ZNF573: variants seen among roughly 807,000 people sequenced by gnomAD.
ZNF573 encodes the protein zinc finger protein 573.
A neutral mutation model predicts 57.4 loss-of-function variants in ZNF573; 41 were observed. The observed-to-expected ratio is 0.71, with a 90% CI of 0.56 to 0.93. The LOEUF is 0.93. Ranked by LOEUF, ZNF573 falls within the 40% of genes least tolerant of loss-of-function variation. The probability of loss-of-function intolerance (pLI) is 0.00; values close to 1 mark genes in which losing one functional copy is unlikely to be tolerated. For synonymous variants in ZNF573, 249 were observed against 261.0 expected (o/e 0.95, Z 0.44); for missense variants, 730 against 794.8 (o/e 0.92, Z 0.98).
Position 37,738,963 on chromosome 19 carries a change from C to T in ZNF573, c.1527G>A (p.Leu509=), listed in dbSNP as rs2045291229. The change falls in exon 5 of 5, where the codon TTG becomes TTA. Residue 509 remains leucine (L), a synonymous_variant. Transcript: ENST00000536220. ...KCKECGKTFS[L]HGYLNQHQKI... ...TCTGATGTTGATTAAGATATCCATG[C>T]AAGCTAAAGGTCTTGCCACATTCCT... 1 of 1,613,824 alleles carries T rather than the reference C, an allele frequency of 6.2e-7. No individual in the cohort carries two copies. The highest frequency in any genetic ancestry group is 1.7e-5 in the Admixed American group (1 of 59,998).
chr19:37,762,801 T>G (rs2145314556), intron 4 of ZNF573, among the ~76,000 whole-genome samples: 1 of 150,608 alleles, frequency 6.6e-6, no homozygotes, highest in Admixed American at 6.6e-5. Context: ...AGAAGGAGTC[T>G]CATTCTGTCA....
At chr19:37,750,248 A>C (rs1407111337) in intron 4 of ZNF573, among the ~76,000 whole-genome samples, 3 of 151,948 alleles carry the variant, frequency 2.0e-5, no homozygotes, top group African/African-American at 4.8e-5. Flanking sequence ...ATGCCTCACT[A>C]ATTTTTCTAC....
intron 4 of ZNF573, among the ~76,000 whole-genome samples, chr19:37,768,997 C>T (rs369626355): frequency 1.0e-3 from 151 of 149,744 alleles, no homozygotes; most frequent in African/African-American, 3.6e-3. Flanking sequence ...CAGAGTCTTA[C>T]TCTGTCGCTC....
intron 4 of ZNF573, among the ~76,000 whole-genome samples, chr19:37,753,838 G>A (rs918749044): frequency 1.3e-5 from 2 of 152,190 alleles, no homozygotes; most frequent in African/African-American, 4.8e-5. Context: ...AACTCAGAAA[G>A]TAAAGGAGCA....
intron 4 of ZNF573, among the ~76,000 whole-genome samples, chr19:37,769,293 T>C (rs992446792): frequency 1.3e-5 from 2 of 152,110 alleles, no homozygotes; most frequent in Non-Finnish European, 2.9e-5. Flanking sequence ...ATGTGTTCTT[T>C]AGTACAATGT....
At chr19:37,758,252 TATATATATATATAA>T (rs1408597088) in intron 4 of ZNF573, among the ~76,000 whole-genome samples, 5 of 93,124 alleles carry the variant, frequency 5.4e-5, no homozygotes, top group African/African-American at 2.3e-4. Context: ...TATATATATA[TATATATATATATAA>T]AATTACCCAG....
Position 37,754,107 on chromosome 19 carries a change from G to A in ZNF573, c.296-13913C>T, listed in dbSNP as rs551197115. 3.9e-5 allele frequency among the ~76,000 whole-genome samples: 6 copies of A among 152,324 alleles called. No individual in the cohort carries two copies. The South Asian group carries it at 8.3e-4, about 21-fold the overall frequency. ...ATGTTCCTAGAAAAGTTGGGAGAATGTCTAAAGAAGTAATTCATGTAAAAA... is the reference window on the plus strand; with the variant it reads ...ATGTTCCTAGAAAAGTTGGGAGAATATCTAAAGAAGTAATTCATGTAAAAA... On this transcript the variant is annotated intron_variant, in intron 4 of 4. Transcript: ENST00000536220.
intron 4 of ZNF573, among the ~76,000 whole-genome samples, chr19:37,759,836 G>C (rs62110178): frequency 1.3e-5 from 2 of 152,118 alleles, no homozygotes; most frequent in African/African-American, 4.8e-5. Context: ...TAATAATGGC[G>C]TATCAACCTT....
chr19:37,762,443 C>T (rs974097455), intron 4 of ZNF573, among the ~76,000 whole-genome samples: 1 of 152,064 alleles, frequency 6.6e-6, no homozygotes, highest in African/African-American at 2.4e-5. Flanking sequence ...AAAGGGTTAA[C>T]AAAACATTTT....
At position 37,739,966 on chromosome 19, in the gene ZNF573, T is replaced by C. The variant is rs764039872; in HGVS notation, c.524A>G (p.Tyr175Cys). 2.5e-6 allele frequency: 4 copies of C among 1,613,992 alleles called. No individual in the cohort carries two copies. The highest frequency in any genetic ancestry group is 1.7e-5 in the Admixed American group (1 of 59,998). ...AAATCTTTGATGTAGAGTAAGTTGA[T>C]AGCCACTACGAAAGTTCTTCCCACA... Reference protein sequence around the residue: ...KECGKNFRSGYQLTLHQRFHT... With the variant: ...KECGKNFRSGCQLTLHQRFHT... Residue 175 changes from tyrosine to cysteine, a missense_variant, in exon 5 of 5, where the codon TAT (tyrosine) becomes TGT (cysteine). Coordinates refer to ENST00000536220, the MANE Select transcript of ZNF573 (RefSeq NM_001172690.2).
chr19:37,741,562 C>T (rs2045327476), intron 4 of ZNF573, among the ~76,000 whole-genome samples: 1 of 151,964 alleles, frequency 6.6e-6, no homozygotes, highest in Non-Finnish European at 1.5e-5. Flanking sequence ...TCACATAAAC[C>T]GGACCAAAGA....
intron 4 of ZNF573, among the ~76,000 whole-genome samples, chr19:37,762,633 C>T (rs900231666): frequency 1.3e-5 from 2 of 152,098 alleles, no homozygotes; most frequent in African/African-American, 4.8e-5. Flanking sequence ...GGACTGTGGA[C>T]TAGGGGCTAG....
rs778901931 is a variant in ZNF573 at position 37,739,753 on chromosome 19, T to C, written c.737A>G (p.Tyr246Cys). 26 of 1,613,994 alleles carry C rather than the reference T, an allele frequency of 1.6e-5. No individual in the cohort carries two copies. Among genetic ancestry groups the C allele is most frequent in the East Asian group, 6.7e-5 (3 of 44,898 alleles). Residue 246 changes from tyrosine (Y) to cysteine (C), a missense_variant, in exon 5 of 5, where the codon TAT becomes TGT. Tyr to Cys is a radical substitution (Grantham distance 194). Transcript: ENST00000536220. ...HERIHTGGKP[Y>C]ECQECGRAFS... ...GGCCCTCCCACACTCCTGACATTCATACGGCTTCCCACCAGTGTGAATTCT... is the reference window on the plus strand; with the variant it reads ...GGCCCTCCCACACTCCTGACATTCACACGGCTTCCCACCAGTGTGAATTCT...
At chr19:37,743,884 A>G (rs895966810) in intron 4 of ZNF573, among the ~76,000 whole-genome samples, 3 of 152,198 alleles carry the variant, frequency 2.0e-5, no homozygotes, top group Non-Finnish European at 4.4e-5. Flanking sequence ...AAACTAACAC[A>G]GGAACAGAAA....
At chr19:37,740,435 A>G (rs1052584709) in intron 4 of ZNF573, among the ~76,000 whole-genome samples, 2 of 152,228 alleles carry the variant, frequency 1.3e-5, no homozygotes, top group Non-Finnish European at 2.9e-5. Flanking sequence ...ATCTTTGACA[A>G]GCTTGTTCCA....
At chr19:37,767,700 C>A (rs1599704762) in intron 4 of ZNF573, among the ~76,000 whole-genome samples, 1 of 152,122 alleles carries the variant, frequency 6.6e-6, no homozygotes, top group Non-Finnish European at 1.5e-5. Context: ...AGCCTCTTGA[C>A]CCCTCTACTT....
intron 4 of ZNF573, among the ~76,000 whole-genome samples, chr19:37,767,862 T>G (rs1013143892): frequency 6.6e-6 from 1 of 152,080 alleles, no homozygotes; most frequent in Non-Finnish European, 1.5e-5. Flanking sequence ...TGCGAAAACT[T>G]AAAAAGACTT....
chr19:37,768,308 G>C (rs1012860888), intron 4 of ZNF573, among the ~76,000 whole-genome samples: 3 of 151,920 alleles, frequency 2.0e-5, no homozygotes, highest in Admixed American at 1.3e-4. Flanking sequence ...ATCTGACTAC[G>C]CCTAACAATG....
chr19:37,756,623 T>C (rs2045490446), intron 4 of ZNF573, among the ~76,000 whole-genome samples: 1 of 152,126 alleles, frequency 6.6e-6, no homozygotes, highest in African/African-American at 2.4e-5. Context: ...CCCACTTACC[T>C]AGTTATAATG....
Sources: allele counts gnomAD v4.1 joint callset (sites outside exome capture counted in the v4.1 genomes callset), GRCh38; gene constraint gnomAD v4.1.1; transcripts MANE v1.5; gene names NCBI Gene and HGNC (gene_info 2026-07-23, HGNC 2026-07-21).